Variants in SI observed in about 807,000 individuals in gnomAD.
SI encodes the protein sucrase-isomaltase, also known as sucrase-isomaltase, intestinal.
Under a neutral mutation model 253.3 loss-of-function variants are expected in SI, and 235 were observed. The observed-to-expected ratio is 0.93, with a 90% CI of 0.83 to 1.03. The LOEUF (loss-of-function observed/expected upper bound fraction) is 1.03. Among genes scored for constraint, SI ranks in the 50% least tolerant of loss-of-function variants. SI has a pLI of 0.00. For synonymous variants in SI, 819 were observed against 712.0 expected (o/e 1.15, Z -2.39); for missense variants, 2,442 against 2,211.1 (o/e 1.10, Z -2.09).
At position 164,991,359 on chromosome 3, in the gene SI, A is replaced by G. The variant is rs1237593519; in HGVS notation, c.5102T>C (p.Phe1701Ser). 4.3e-6 allele frequency: 7 copies of G among 1,613,666 alleles called. No individual in the cohort carries two copies. The highest frequency in any genetic ancestry group is 5.9e-6 in the Non-Finnish European group (7 of 1,179,782). Residue 1701 changes from phenylalanine (F) to serine (S), a missense_variant, in exon 44 of 48, where the codon TTT (phenylalanine) becomes TCT (serine). By Grantham distance (155) the Phe-to-Ser change is radical. Transcript: ENST00000264382. ...LPCQEPAQNT[F>S]YSRQKHMKLI... ...TTGTAAACAGTTCACTTACCTGTAA[A>G]ATGTGTTTTGAGCTGGCTCTTGACA...
At chr3:165,010,595 A>C (rs551304148) in intron 34 of SI, among the ~76,000 whole-genome samples, 85 of 152,328 alleles carry the variant, frequency 5.6e-4, no homozygotes, top group African/African-American at 2.0e-3. Flanking sequence ...CCCGTATGAT[A>C]ATTAATAACA....
chr3:164,988,208 T>C (rs562182539), intron 44 of SI, among the ~76,000 whole-genome samples: 1 of 152,288 alleles, frequency 6.6e-6, no homozygotes, highest in East Asian at 1.9e-4. Context: ...TGTTGAAGAA[T>C]GTACAGCCAC....
intron 7 of SI, among the ~76,000 whole-genome samples, chr3:165,064,672 T>C (rs1418313920): frequency 2.6e-5 from 4 of 151,626 alleles, no homozygotes; most frequent in Non-Finnish European, 4.4e-5. Flanking sequence ...CTAAGTCAAG[T>C]ATAAAGATAA....
intron 22 of SI, among the ~76,000 whole-genome samples, chr3:165,035,179 A>G (rs1339841492): frequency 6.6e-6 from 1 of 152,032 alleles, no homozygotes; most frequent in East Asian, 1.9e-4. Flanking sequence ...AAACAAATAG[A>G]GAAGTACATA....
At chr3:165,037,457 G>T (rs9682815) in intron 21 of SI, among the ~76,000 whole-genome samples, 27 of 151,612 alleles carry the variant, frequency 1.8e-4, no homozygotes, top group African/African-American at 6.1e-4. Flanking sequence ...TTTCTCTCTC[G>T]CTCTTTACCT....
At chr3:164,985,350 G>A (rs1040540438) in intron 45 of SI, among the ~76,000 whole-genome samples, 4 of 152,130 alleles carry the variant, frequency 2.6e-5, no homozygotes, top group African/African-American at 9.7e-5. Context: ...CAAAGGGAAA[G>A]GCTGAAAACT....
chr3:165,079,895 G>A (rs77604578), upstream of SI, among the ~76,000 whole-genome samples: 426 of 151,736 alleles, frequency 2.8e-3, 16 homozygotes, highest in East Asian at 0.074. Context: ...TGAGAGATAC[G>A]CCATATTCAT....
At chr3:164,987,985 G>T (rs182100018) in intron 44 of SI, among the ~76,000 whole-genome samples, 1 of 152,216 alleles carries the variant, frequency 6.6e-6, no homozygotes, top group Non-Finnish European at 1.5e-5. Flanking sequence ...TAATAAGAAT[G>T]TATAAAGTAG....
intron 20 of SI, among the ~76,000 whole-genome samples, chr3:165,038,350 T>A (rs1035149544): frequency 2.0e-5 from 3 of 152,136 alleles, no homozygotes; most frequent in Admixed American, 1.3e-4. Context: ...TTAAAATCAT[T>A]ATTTCCGTAA....
chr3:165,045,800 T>C (rs1439978265), intron 16 of SI, among the ~76,000 whole-genome samples: 1 of 151,576 alleles, frequency 6.6e-6, no homozygotes, highest in African/African-American at 2.4e-5. Context: ...TTCAATTCTA[T>C]TCAGTTTATC....
intron 40 of SI, among the ~76,000 whole-genome samples, chr3:164,995,021 A>G (rs1236323366): frequency 6.6e-6 from 1 of 151,806 alleles, no homozygotes; most frequent in Non-Finnish European, 1.5e-5. Context: ...AAATTCTTGC[A>G]CATATTAGTT....
In SI at chr3:165,039,173, T is replaced by C. The variant is rs1288147704; in HGVS notation, c.2245-39A>G. 2.9e-6 allele frequency: 4 copies of C among 1,363,936 alleles called. No homozygotes were observed. The South Asian group carries it at 4.8e-5, about 17-fold the overall frequency. The allele number at this position is 1,363,936 out of a possible 1,614,324, so 84.5% of individuals were successfully genotyped here. The stretch of plus-strand genomic sequence containing the variant: ...AATATGTATTTTTTAATTTCAATTT[T>C]TAACAAGGAGGATCTTATCAAATAT... On this transcript the variant is annotated intron_variant, in intron 19 of 47. Coordinates refer to ENST00000264382, the MANE Select transcript of SI (RefSeq NM_001041.4).
At chr3:165,048,571 A>G (rs1021767083) in intron 15 of SI, among the ~76,000 whole-genome samples, 116 of 80,358 alleles carry the variant, frequency 1.4e-3, no homozygotes, top group Non-Finnish European at 2.6e-3. Flanking sequence ...ATATATGTAT[A>G]TATATATATA....
At chr3:164,996,507 A>G (rs776299891) in intron 40 of SI, 28 bp downstream of exon 40, 2 of 1,182,808 alleles carry the variant, frequency 1.7e-6, no homozygotes, top group Non-Finnish European at 2.5e-6. Flanking sequence ...GTAAGAAAAT[A>G]CTGAAAGTAA....
At position 164,995,045 on chromosome 3, in the gene SI, CA is replaced by C. The variant is rs202163422; in HGVS notation, c.4693-641del. ...CACATATTAGTTAAAAAATAATAGG[CA>C]AGAAAAGTTATTACTATTTTGTATT... On this transcript the variant is annotated intron_variant, in intron 40 of 47. Transcript: ENST00000264382. 2.6e-4 allele frequency among the ~76,000 whole-genome samples: 40 copies of C among 151,678 alleles called. No individual in the cohort carries two copies. In the East Asian group the frequency reaches 6.4e-3, roughly 24 times the overall value.
chr3:165,009,833 C>CT (rs1319559478), intron 34 of SI, among the ~76,000 whole-genome samples: 9 of 152,086 alleles, frequency 5.9e-5, no homozygotes, highest in African/African-American at 2.2e-4. Flanking sequence ...TCAACTGCTT[C>CT]TTTTTTTGTC....
intron 9 of SI, among the ~76,000 whole-genome samples, chr3:165,061,542 A>G (rs1486605861): frequency 6.6e-6 from 1 of 152,016 alleles, no homozygotes; most frequent in East Asian, 1.9e-4. Flanking sequence ...AATTTTTTAT[A>G]GTAATCAATT....
chr3:165,017,800 C>CA lies in SI; in HGVS notation c.3593dup (p.Leu1198PhefsTer14), dbSNP rs1222601003. The CA allele has an allele frequency of 6.2e-7, 1 of 1,612,808 alleles. No homozygotes were observed. The highest frequency in any genetic ancestry group is 8.5e-7 in the Non-Finnish European group (1 of 1,179,316). Reference sequence around the variant, plus strand: ...TTGTTGCAACTTCTGGAGTTGGGCCCAAAAACATATAAAAATCCAAGATCC... The same window carrying CA: ...TTGTTGCAACTTCTGGAGTTGGGCCCAAAAAACATATAAAAATCCAAGATCC... On this transcript the variant is annotated frameshift_variant, in exon 30 of 48. Transcript: ENST00000264382. LOFTEE classifies it high-confidence loss of function.
Position 165,049,234 on chromosome 3 carries a change from G to C in SI, c.1608C>G (p.Asp536Glu), listed in dbSNP as rs779264993. 1 of 1,578,320 alleles carries C rather than the reference G, an allele frequency of 6.3e-7. No homozygotes were observed. The highest frequency in any genetic ancestry group is 8.7e-7 in the Non-Finnish European group (1 of 1,148,402). ...AAATTGTTTTGGAATACATGAGTTT[G>C]TCAAGAATATCTTTGAGAAAATACA... ...NYPPFTPDIL[D>E]KLMYSKTICM... The change falls in exon 15 of 48, where the codon GAC becomes GAG. Residue 536 changes from aspartate to glutamate, a missense_variant. By Grantham distance (45) the Asp-to-Glu change is conservative. Coordinates refer to ENST00000264382, the MANE Select transcript of SI (RefSeq NM_001041.4).
Sources: allele counts gnomAD v4.1 joint callset (sites outside exome capture counted in the v4.1 genomes callset), GRCh38; gene constraint gnomAD v4.1.1; transcripts MANE v1.5; gene names NCBI Gene and HGNC (gene_info 2026-07-23, HGNC 2026-07-21).